The following GPC5 variants were observed in gnomAD, a reference collection of about 807,000 sequenced individuals.
The protein encoded by GPC5 is glypican-5.
A neutral mutation model predicts 53.9 loss-of-function variants in GPC5; 47 were observed. That is an observed-to-expected ratio of 0.87 (90% CI 0.69 to 1.11). GPC5 has a LOEUF of 1.11. GPC5 is among the 50% of genes most tolerant of loss of function. GPC5 has a pLI of 0.00. For missense variants in GPC5, 748 were observed against 713.1 expected (o/e 1.05, Z -0.56); for synonymous variants, 286 against 263.3 (o/e 1.09, Z -0.84).
intron 2 of GPC5, among the ~76,000 whole-genome samples, chr13:91,629,259 A>T (rs2034092728): frequency 6.6e-6 from 1 of 152,190 alleles, no homozygotes; most frequent in Non-Finnish European, 1.5e-5. Flanking sequence ...CAAAAGACTG[A>T]AACTCTTTCC....
At chr13:92,081,606 C>A (rs1003710632) in intron 6 of GPC5, among the ~76,000 whole-genome samples, 2 of 152,094 alleles carry the variant, frequency 1.3e-5, no homozygotes, top group Non-Finnish European at 2.9e-5. Flanking sequence ...TTCTTCTACA[C>A]TTCCATGCTC....
Position 92,443,049 on chromosome 13 carries a change from C to A in GPC5, c.1561+298060C>A, listed in dbSNP as rs112415333. Among the ~76,000 whole-genome samples the A allele has an allele frequency of 3.8e-3, 584 of 152,248 alleles. 6 individuals are homozygous for A. The highest frequency in any genetic ancestry group is 0.014 in the African/African-American group (565 of 41,540). On this transcript the variant is annotated intron_variant, in intron 7 of 7. Transcript: ENST00000377067. ...TAATTTTGGCTCACAACCCTGCAGACTGCACAAGAAGCATGGCACCAGCAT... is the reference window on the plus strand; with the variant it reads ...TAATTTTGGCTCACAACCCTGCAGAATGCACAAGAAGCATGGCACCAGCAT...
At chr13:92,043,158 T>C (rs914227219) in intron 6 of GPC5, among the ~76,000 whole-genome samples, 2 of 152,158 alleles carry the variant, frequency 1.3e-5, no homozygotes, top group Non-Finnish European at 2.9e-5. Context: ...ATACATTTAA[T>C]GAGCGTTACC....
intron 7 of GPC5, among the ~76,000 whole-genome samples, chr13:92,763,263 G>T (rs1037159641): frequency 5.3e-5 from 8 of 152,140 alleles, no homozygotes; most frequent in Non-Finnish European, 1.2e-4. Flanking sequence ...TCCTTCACAT[G>T]AATGATTTTT....
intron 7 of GPC5, among the ~76,000 whole-genome samples, chr13:92,430,503 T>G (rs1341324029): frequency 6.6e-6 from 1 of 151,358 alleles, no homozygotes; most frequent in East Asian, 1.9e-4. Context: ...TCATTTCATG[T>G]GTTTACTTGA....
intron 2 of GPC5, among the ~76,000 whole-genome samples, chr13:91,687,006 G>A (rs1231832430): frequency 6.6e-6 from 1 of 151,782 alleles, no homozygotes; most frequent in Non-Finnish European, 1.5e-5. Context: ...CTATATTTGA[G>A]AATATCTGTG....
Position 92,692,224 on chromosome 13 carries a change from G to T in GPC5, c.1562-174058G>T, listed in dbSNP as rs566711373. On this transcript the variant is annotated intron_variant, in intron 7 of 7. Transcript: ENST00000377067. Reference sequence around the variant, plus strand: ...ACATGACTTCATTTTTTTTATGGCTGCATAGTATTACATGGTGTACCTACA... The same window carrying T: ...ACATGACTTCATTTTTTTTATGGCTTCATAGTATTACATGGTGTACCTACA... 2.0e-5 allele frequency among the ~76,000 whole-genome samples: 3 copies of T among 152,104 alleles called. No homozygotes were observed. In the East Asian group the frequency reaches 5.8e-4, roughly 29 times the overall value.
chr13:91,886,681 G>T (rs1375754249), intron 5 of GPC5, among the ~76,000 whole-genome samples: 1 of 152,168 alleles, frequency 6.6e-6, no homozygotes, highest in Non-Finnish European at 1.5e-5. Flanking sequence ...TCGAAACGAA[G>T]GGGCTACAGG....
intron 6 of GPC5, among the ~76,000 whole-genome samples, chr13:92,095,148 A>C (rs986049520): frequency 6.6e-6 from 1 of 152,202 alleles, no homozygotes; most frequent in Non-Finnish European, 1.5e-5. Flanking sequence ...GTGCATTATC[A>C]ATAGAAGAAA....
At chr13:91,399,273 C>T in intron 1 of GPC5, 64 bp downstream of exon 1, 3 of 1,550,664 alleles carry the variant, frequency 1.9e-6, no homozygotes, top group South Asian at 2.4e-5. Flanking sequence ...CTCCCCCAGG[C>T]TCCCTTGGTG....
intron 7 of GPC5, among the ~76,000 whole-genome samples, chr13:92,777,587 C>T (rs1182658227): frequency 6.6e-6 from 1 of 152,172 alleles, no homozygotes; most frequent in African/African-American, 2.4e-5. Context: ...CCACTGCACT[C>T]CAGCCTGGCA....
intron 7 of GPC5, among the ~76,000 whole-genome samples, chr13:92,333,575 G>T (rs2043302579): frequency 6.6e-6 from 1 of 152,034 alleles, no homozygotes. Flanking sequence ...TCTGATGTCT[G>T]GAGGCATAGG....
At position 92,105,456 on chromosome 13, in the gene GPC5, T is replaced by C. The variant is rs534745150; in HGVS notation, c.1402-39374T>C. On this transcript the variant is annotated intron_variant, in intron 6 of 7. Transcript: ENST00000377067. ...ATTTACCGAATATTTTCAGGACTAG[T>C]TCATGTGTAATTTAGTTCAACTTTT... Among the ~76,000 whole-genome samples the C allele has an allele frequency of 2.0e-5, 3 of 152,220 alleles. No individual in the cohort carries two copies. In the South Asian group the frequency reaches 6.2e-4, roughly 32 times the overall value.
At chr13:92,423,296 T>C (rs1165874271) in intron 7 of GPC5, among the ~76,000 whole-genome samples, 2 of 152,178 alleles carry the variant, frequency 1.3e-5, no homozygotes, top group Non-Finnish European at 2.9e-5. Flanking sequence ...CGAAAACATA[T>C]AATTCAGAAT....
intron 7 of GPC5, among the ~76,000 whole-genome samples, chr13:92,486,322 C>T (rs552533203): frequency 1.3e-5 from 2 of 152,284 alleles, no homozygotes; most frequent in African/African-American, 4.8e-5. Context: ...TTCTATCCTC[C>T]TATCCTCAGA....
Position 92,455,251 on chromosome 13 carries a change from G to A in GPC5, c.1561+310262G>A, listed in dbSNP as rs540686483. On this transcript the variant is annotated intron_variant, in intron 7 of 7. Coordinates refer to ENST00000377067, the MANE Select transcript of GPC5 (RefSeq NM_004466.6). Reference sequence around the variant, plus strand: ...GGCCACTATAAATAGTATATGCTATGACCATTCATAAATATAGTTATAATA... The same window carrying A: ...GGCCACTATAAATAGTATATGCTATAACCATTCATAAATATAGTTATAATA... Among the ~76,000 whole-genome samples the A allele has an allele frequency of 7.2e-5, 11 of 152,212 alleles. No homozygotes were observed. The East Asian group carries it at 1.4e-3, about 19-fold the overall frequency.
intron 7 of GPC5, among the ~76,000 whole-genome samples, chr13:92,281,890 G>T (rs550167226): frequency 6.6e-6 from 1 of 152,208 alleles, no homozygotes; most frequent in East Asian, 1.9e-4. Flanking sequence ...TAACAAAGCT[G>T]TATGGAGAAT....
At chr13:91,675,560 T>G (rs906274088) in intron 2 of GPC5, among the ~76,000 whole-genome samples, 2 of 152,188 alleles carry the variant, frequency 1.3e-5, no homozygotes, top group African/African-American at 4.8e-5. Flanking sequence ...TAGCAACTAA[T>G]TATAAAATAC....
chr13:92,856,226 A>G (rs1487884817), intron 7 of GPC5, among the ~76,000 whole-genome samples: 1 of 152,114 alleles, frequency 6.6e-6, no homozygotes, highest in Non-Finnish European at 1.5e-5. Flanking sequence ...AATGCGATTC[A>G]CCACATAAAC....
Sources: allele counts gnomAD v4.1 joint callset (sites outside exome capture counted in the v4.1 genomes callset), GRCh38; gene constraint gnomAD v4.1.1; transcripts MANE v1.5; gene names NCBI Gene and HGNC (gene_info 2026-07-23, HGNC 2026-07-21).